The following PPP2R1B variants were observed in gnomAD, a reference collection of about 807,000 sequenced individuals.
PPP2R1B encodes the protein serine/threonine-protein phosphatase 2A 65 kDa regulatory subunit A beta isoform.
A neutral mutation model predicts 72.7 loss-of-function variants in PPP2R1B; 58 were observed. The observed-to-expected ratio is 0.80, with a 90% CI of 0.65 to 0.99. The LOEUF is 0.99. Ranked by LOEUF, PPP2R1B falls within the 50% of genes least tolerant of loss-of-function variation. The probability of loss-of-function intolerance (pLI) is 0.00; values close to 1 mark genes in which losing one functional copy is unlikely to be tolerated. For synonymous variants in PPP2R1B, 256 were observed against 264.6 expected (o/e 0.97, Z 0.32); for missense variants, 695 against 733.6 (o/e 0.95, Z 0.61).
At chr11:111,766,063 A>C (rs1591719762) in intron 1 of PPP2R1B, 185 bp downstream of exon 1, 1 of 620,314 alleles carries the variant, frequency 1.6e-6, no homozygotes, top group Non-Finnish European at 2.9e-6. Flanking sequence ...CTAGAGAGGT[A>C]CCCGGGAGGG....
At chr11:111,712,726 C>G in the PPP2R1B span, among the ~76,000 whole-genome samples, 1 of 152,106 alleles carries the variant, frequency 6.6e-6, no homozygotes, top group African/African-American at 2.4e-5. Context: ...ATGCTGAAAA[C>G]AAAAAAATTA....
downstream of PPP2R1B, among the ~76,000 whole-genome samples, chr11:111,734,110 T>C (rs1944273281): frequency 6.6e-6 from 1 of 152,168 alleles, no homozygotes; most frequent in African/African-American, 2.4e-5. Context: ...GAGGGGCAAA[T>C]GCAGCCTGGC....
chr11:111,731,013 G>A (rs149694946), intron 15 of PPP2R1B, among the ~76,000 whole-genome samples: 97 of 152,312 alleles, frequency 6.4e-4, no homozygotes, highest in African/African-American at 2.2e-3. Context: ...TCTCATTGAC[G>A]TCAGCAGGGT....
downstream of PPP2R1B, chr11:111,737,673 AGTTGGG>A: frequency 6.4e-7 from 1 of 1,563,232 alleles, no homozygotes; most frequent in Non-Finnish European, 8.7e-7. Context: ...GTGCCAGCAG[AGTTGGG>A]TGTCCAGCAG....
At chr11:111,763,910 C>G (rs963392121) in intron 3 of PPP2R1B, among the ~76,000 whole-genome samples, 1 of 152,028 alleles carries the variant, frequency 6.6e-6, no homozygotes, top group South Asian at 2.1e-4. Flanking sequence ...CAATCTACCT[C>G]AGGAGTTCCA....
At chr11:111,723,514 C>G, downstream of PPP2R1B, 1 of 1,603,382 alleles carries the variant, frequency 6.2e-7, no homozygotes, top group Non-Finnish European at 8.5e-7. Context: ...AGAAGCGACT[C>G]TTTCTTCAGA....
intron 3 of PPP2R1B, 116 bp downstream of exon 3, chr11:111,764,689 T>C: frequency 1.0e-6 from 1 of 986,092 alleles, no homozygotes; most frequent in East Asian, 2.7e-5. Flanking sequence ...ACATTATGAC[T>C]ATCTGCCCAT....
the PPP2R1B span, among the ~76,000 whole-genome samples, chr11:111,691,106 C>T: frequency 6.6e-6 from 1 of 152,272 alleles, no homozygotes; most frequent in Non-Finnish European, 1.5e-5. Context: ...TTTTGCCTGG[C>T]TATAGTATGT....
the PPP2R1B span, among the ~76,000 whole-genome samples, chr11:111,704,551 T>G: frequency 6.6e-6 from 1 of 152,198 alleles, no homozygotes; most frequent in Non-Finnish European, 1.5e-5. Flanking sequence ...TCCACATACT[T>G]TAACCATTCA....
downstream of PPP2R1B, among the ~76,000 whole-genome samples, chr11:111,735,009 G>A (rs1050677618): frequency 2.0e-5 from 3 of 152,232 alleles, no homozygotes; most frequent in Non-Finnish European, 2.9e-5. Flanking sequence ...GACCCGCATC[G>A]AAAGGCACAA....
At position 111,743,445 on chromosome 11, in the gene PPP2R1B, A is replaced by T. The variant is rs924153089; in HGVS notation, c.1485T>A (p.Val495=). Residue 495 remains valine, a synonymous_variant, in exon 12 of 15, where the codon GTT becomes GTA. Transcript: ENST00000527614. ...CATTTGCCATTACTAACACTTTGGG[A>T]ACAATAGTATTTTGGGCCCACTCTG... The part of the protein sequence containing the change: ...FGTEWAQNTI[V]PKVLVMANDP... 6.2e-7 allele frequency: 1 copy of T among 1,613,748 alleles called. No homozygotes were observed. The highest frequency in any genetic ancestry group is 1.7e-5 in the Admixed American group (1 of 60,024).
At chr11:111,742,193 A>C (rs1944547441) in intron 13 of PPP2R1B, 49 bp from the exon 14 acceptor site, 1 of 1,443,074 alleles carries the variant, frequency 6.9e-7, no homozygotes, top group African/African-American at 1.4e-5. Context: ...TGGGCCATAG[A>C]AATCCTTTTT....
At chr11:111,727,305 C>T (rs1591655881) in intron 15 of PPP2R1B, 1 of 521,726 alleles carries the variant, frequency 1.9e-6, no homozygotes, top group Non-Finnish European at 3.4e-6. Context: ...TGAGCAAACC[C>T]CTTCTCTCTT....
chr11:111,698,100 G>A, the PPP2R1B span, among the ~76,000 whole-genome samples: 1 of 152,192 alleles, frequency 6.6e-6, no homozygotes, highest in African/African-American at 2.4e-5. Context: ...TAGTGAGCCT[G>A]TCTTTCAGTG....
chr11:111,764,695 C>A, intron 3 of PPP2R1B, 110 bp downstream of exon 3: 2 of 1,038,422 alleles, frequency 1.9e-6, no homozygotes, highest in Non-Finnish European at 2.8e-6. Flanking sequence ...TGACTATCTG[C>A]CCATAAAAAG....
intron 10 of PPP2R1B, among the ~76,000 whole-genome samples, chr11:111,750,457 G>A (rs1944860931): frequency 1.3e-5 from 2 of 152,124 alleles, no homozygotes; most frequent in South Asian, 2.1e-4. Context: ...AGACCAGCCT[G>A]GGCAACAGCA....
downstream of PPP2R1B, chr11:111,723,476 C>T (rs777736943): frequency 2.6e-6 from 4 of 1,567,838 alleles, no homozygotes; most frequent in South Asian, 4.7e-5. Flanking sequence ...AAATTCTTTC[C>T]TTTGATATTA....
Position 111,750,695 on chromosome 11 carries a change from G to A in PPP2R1B, c.1338+1464C>T. 1.3e-5 allele frequency among the ~76,000 whole-genome samples: 2 copies of A among 152,192 alleles called. 1 individual carries two copies. The highest frequency in any genetic ancestry group is 6.3e-3 in the Middle Eastern group (2 of 316). The stretch of plus-strand genomic sequence containing the variant: ...CTACTCAAAAAAAGGAAAGGATGTG[G>A]CTATAAAACCCAGCTTTGAAATTTT... On this transcript the variant is annotated intron_variant, in intron 10 of 14. Coordinates refer to ENST00000527614, the MANE Select transcript of PPP2R1B (RefSeq NM_002716.5).
chr11:111,705,439 G>A, the PPP2R1B span, among the ~76,000 whole-genome samples: 3 of 152,142 alleles, frequency 2.0e-5, no homozygotes, highest in Non-Finnish European at 2.9e-5. The surrounding 1 kb of genome is among the most constrained non-coding windows in gnomAD (Gnocchi z 4.3). Flanking sequence ...TACCACGTGC[G>A]AGCTTCTATT....
Sources: gnomAD v4.1 joint callset for allele counts (sites outside exome capture counted in the v4.1 genomes callset) on GRCh38, gnomAD v4.1.1 for gene constraint, Gnocchi (gnomAD v3.1) non-coding constraint, MANE v1.5 for transcripts, NCBI Gene and HGNC (gene_info 2026-07-23, HGNC 2026-07-21) for gene names.